Variants in COL4A6 observed in about 807,000 individuals in gnomAD.
COL4A6 encodes collagen type IV alpha 6 chain, also known as collagen alpha-6(IV) chain.
Under a neutral mutation model 126.7 loss-of-function variants are expected in COL4A6, and 59 were observed. That is an observed-to-expected ratio of 0.47 (90% CI 0.38 to 0.58). The LOEUF is 0.58. COL4A6 is among the 20% of genes least tolerant of loss of function. The pLI is 0.00. For missense variants in COL4A6, 1,285 were observed against 1,337.3 expected, an observed-to-expected ratio of 0.96 and a Z score of 0.61; for synonymous variants, 547 against 496.6, an observed-to-expected ratio of 1.10 and a Z score of -1.35.
chrX:108,375,678 CTTT>C (rs142100994), intron 2 of COL4A6, among the ~76,000 whole-genome samples: 1 of 95,291 alleles, frequency 1.0e-5, no homozygotes, highest in Non-Finnish European at 2.1e-5. Context: ...TAGGCTAAAT[CTTT>C]TTTTTTTTTT....
intron 2 of COL4A6, among the ~76,000 whole-genome samples, chrX:108,317,304 T>C (rs1345336677): frequency 8.9e-6 from 1 of 112,011 alleles, no homozygotes; most frequent in East Asian, 2.8e-4. Flanking sequence ...TGGAGAAAAC[T>C]GTTGGAGAAG....
At position 108,164,034 on chromosome X, in the gene COL4A6, C is replaced by T. The variant is rs186090467; in HGVS notation, c.4069+566G>A. ...GCGTGCCACGGTGAGTTCATTCCTA[C>T]GCCATGGGAAGCCACTGGATGATTT... On this transcript the variant is annotated intron_variant, in intron 40 of 44. Transcript: ENST00000334504. 4.6e-3 allele frequency among the ~76,000 whole-genome samples: 513 copies of T among 111,646 alleles called. 4 individuals are homozygous for T. The highest frequency in any genetic ancestry group is 0.015 in the African/African-American group (472 of 30,753).
At chrX:108,314,327 A>T (rs922448439) in intron 2 of COL4A6, among the ~76,000 whole-genome samples, 1 of 112,027 alleles carries the variant, frequency 8.9e-6, no homozygotes, top group Non-Finnish European at 1.9e-5. Context: ...CTTGGGTCAC[A>T]CTGTTAACAA....
At position 108,165,550 on chromosome X, in the gene COL4A6, T is replaced by C. The variant is rs992958502; in HGVS notation, c.3692-64A>G. ...GTGCCCAGAAGATGGCCAGGCTCTT[T>C]CAGAGAAAATGGAAGCTCACACAGA... On this transcript the variant is annotated intron_variant, in intron 37 of 44. Transcript: ENST00000334504. The C allele has an allele frequency of 2.3e-5, 18 of 796,825 alleles. No homozygotes were observed. The Admixed American group carries it at 5.4e-4, about 24-fold the overall frequency. 65.7% of individuals were successfully genotyped at this position (796,825 alleles called of 1,213,427 possible).
At position 108,164,612 on chromosome X, in the gene COL4A6, C is replaced by A. The variant is rs1195208440; in HGVS notation, c.4057G>T (p.Ala1353Ser). ...GCTCTCAACTTACCTCTTGGCCCTG[C>A]CTTCCCCTTCATTCCGGGAAATCCT... ...DPGFPGMKGKAGPRGSSGLQG... is the reference protein window; with the variant it reads ...DPGFPGMKGKSGPRGSSGLQG... Residue 1353 changes from alanine (A) to serine (S), a missense_variant, in exon 40 of 45, where the codon GCA becomes TCA. Physicochemically the swap from Ala to Ser is moderately conservative, Grantham distance 99. Coordinates refer to ENST00000334504, the MANE Select transcript of COL4A6 (RefSeq NM_033641.4). 2.2e-5 allele frequency: 27 copies of A among 1,209,813 alleles called. No homozygotes were observed. The highest frequency in any genetic ancestry group is 2.9e-5 in the Non-Finnish European group (26 of 894,859).
At chrX:108,270,830 G>A (rs2037429854) in intron 3 of COL4A6, among the ~76,000 whole-genome samples, 1 of 111,598 alleles carries the variant, frequency 9.0e-6, no homozygotes, top group Non-Finnish European at 1.9e-5. Context: ...TTTGGTTCCT[G>A]TAGGTTTTAA....
chrX:108,417,156 C>A (rs182867971), intron 2 of COL4A6, among the ~76,000 whole-genome samples: 4 of 111,138 alleles, frequency 3.6e-5, no homozygotes, highest in Non-Finnish European at 7.6e-5. Context: ...GCAGTAGCAA[C>A]CTACTGCAAG....
At chrX:108,397,569 A>G (rs2040992425) in intron 2 of COL4A6, among the ~76,000 whole-genome samples, 1 of 109,410 alleles carries the variant, frequency 9.1e-6, no homozygotes, top group African/African-American at 3.3e-5. Context: ...ATGACATTCA[A>G]TTAATGGAAG....
At chrX:108,422,517 C>T (rs2063998137) in intron 2 of COL4A6, among the ~76,000 whole-genome samples, 1 of 111,563 alleles carries the variant, frequency 9.0e-6, no homozygotes. Flanking sequence ...CACATACTCT[C>T]GAAGGAATTC....
At chrX:108,170,964 A>G in intron 33 of COL4A6, 47 bp from the exon 34 acceptor site, 1 of 1,046,058 alleles carries the variant, frequency 9.6e-7, no homozygotes, top group Non-Finnish European at 1.3e-6. Flanking sequence ...TATTTCTAGC[A>G]GTGTATTCCT....
At chrX:108,189,446 A>G (rs182459349) in intron 20 of COL4A6, among the ~76,000 whole-genome samples, 2 of 112,237 alleles carry the variant, frequency 1.8e-5, no homozygotes, top group African/African-American at 6.5e-5. Flanking sequence ...TGTATAATGA[A>G]GCTTGATAAT....
chrX:108,418,494 C>T (rs1460028190), intron 2 of COL4A6, among the ~76,000 whole-genome samples: 12 of 110,359 alleles, frequency 1.1e-4, no homozygotes, highest in Non-Finnish European at 1.5e-4. Flanking sequence ...AAATTTTCCA[C>T]GAGAAAAAAA....
At chrX:108,260,509 G>A (rs1474964469) in intron 3 of COL4A6, among the ~76,000 whole-genome samples, 2 of 110,489 alleles carry the variant, frequency 1.8e-5, no homozygotes, top group Admixed American at 9.6e-5. Context: ...TAAGCCTCAC[G>A]ACATCTGATG....
At chrX:108,428,218 A>G (rs1055392167) in intron 2 of COL4A6, among the ~76,000 whole-genome samples, 1 of 112,160 alleles carries the variant, frequency 8.9e-6, no homozygotes, top group Non-Finnish European at 1.9e-5. Context: ...AAAGTTTACC[A>G]ATTTGTGTTA....
upstream of COL4A6, chrX:108,438,532 C>A: frequency 1.1e-6 from 1 of 873,523 alleles, no homozygotes; most frequent in Non-Finnish European, 1.4e-6. Context: ...CTTTCAGGCA[C>A]CTTTCCACAC....
intron 5 of COL4A6, among the ~76,000 whole-genome samples, chrX:108,218,423 G>A (rs1183044087): frequency 1.8e-5 from 2 of 112,622 alleles, no homozygotes; most frequent in African/African-American, 6.4e-5. Context: ...CTATTTCTGG[G>A]CATTTTTGCA....
At chrX:108,229,521 A>C (rs928650256) in intron 3 of COL4A6, among the ~76,000 whole-genome samples, 1 of 111,851 alleles carries the variant, frequency 8.9e-6, no homozygotes, top group Non-Finnish European at 1.9e-5. Context: ...GGGTCTAAAA[A>C]TCTGCATTTC....
intron 3 of COL4A6, among the ~76,000 whole-genome samples, chrX:108,289,533 A>AGTTTTT (rs202042554): frequency 6.3e-5 from 7 of 110,867 alleles, no homozygotes; most frequent in Admixed American, 2.9e-4. Flanking sequence ...GCTTGTGCCA[A>AGTTTTT]GTTTTTGTTT....
chrX:108,192,373 G>A, intron 18 of COL4A6, 100 bp downstream of exon 18: 1 of 535,859 alleles, frequency 1.9e-6, no homozygotes, highest in Non-Finnish European at 3.1e-6. Context: ...GTTTGACTTT[G>A]GCTAGGTGTG....
Sources: allele counts gnomAD v4.1 joint callset (sites outside exome capture counted in the v4.1 genomes callset), GRCh38; gene constraint gnomAD v4.1.1; transcripts MANE v1.5; gene names NCBI Gene and HGNC (gene_info 2026-07-23, HGNC 2026-07-21).